The following TRERF1 variants were observed in gnomAD, a reference collection of about 807,000 sequenced individuals.
The protein encoded by TRERF1 is transcriptional regulating factor 1.
In TRERF1, 27 loss-of-function variants were observed where a neutral mutation model predicts 122.9. That is an observed-to-expected ratio of 0.22 (90% confidence interval 0.16 to 0.30). The LOEUF (loss-of-function observed/expected upper bound fraction) is 0.30, where lower values mean the gene tolerates loss of function less well. TRERF1 is among the 10% of genes least tolerant of loss of function. TRERF1 has a pLI of 1.00. For missense variants in TRERF1, 1,248 were observed against 1,560.3 expected (o/e 0.80, Z 3.37); for synonymous variants, 636 against 641.7 (o/e 0.99, Z 0.13).
At chr6:42,413,641 G>T (rs1373418435) in intron 2 of TRERF1, among the ~76,000 whole-genome samples, 1 of 151,966 alleles carries the variant, frequency 6.6e-6, no homozygotes, top group Admixed American at 6.6e-5. Context: ...TGTTGGCCAG[G>T]ATGGTCTTGA....
chr6:42,410,935 ACAGAGAAGCTGTGGTCCAGTGGG>A (rs1223761246), intron 2 of TRERF1, among the ~76,000 whole-genome samples: 1 of 152,230 alleles, frequency 6.6e-6, no homozygotes, highest in Non-Finnish European at 1.5e-5. Flanking sequence ...CCAAGCACAT[ACAGAGAAGCTGTGGTCCAGTGGG>A]CAGGCCTCCT....
intron 2 of TRERF1, among the ~76,000 whole-genome samples, chr6:42,387,114 TA>T (rs1267109970): frequency 3.9e-5 from 6 of 152,218 alleles, no homozygotes; most frequent in Admixed American, 6.5e-5. Context: ...TTGGGGGATT[TA>T]AAAAAATTTT....
At chr6:42,242,417 G>A (rs562904899) in intron 15 of TRERF1, among the ~76,000 whole-genome samples, 1 of 152,222 alleles carries the variant, frequency 6.6e-6, no homozygotes, top group Non-Finnish European at 1.5e-5. Flanking sequence ...CATAATTCAT[G>A]AATTCCCAAT....
intron 8 of TRERF1, among the ~76,000 whole-genome samples, chr6:42,261,402 G>A (rs144839512): frequency 3.3e-4 from 50 of 152,278 alleles, no homozygotes; most frequent in Non-Finnish European, 6.5e-4. Context: ...CTGAGCCACT[G>A]GGCAAGAGAA....
Position 42,287,773 on chromosome 6 carries a change from A to G in TRERF1, c.-259+12865T>C, listed in dbSNP as rs529702029. ...CCCTGGCCATCTTCTCTCATTGCCTAATCCATGCTCCTCTGGTCGGGTCTC... is the reference window on the plus strand; with the variant it reads ...CCCTGGCCATCTTCTCTCATTGCCTGATCCATGCTCCTCTGGTCGGGTCTC... On this transcript the variant is annotated intron_variant, in intron 4 of 17. Coordinates refer to ENST00000372922, the Ensembl canonical transcript of TRERF1. 5.3e-4 allele frequency among the ~76,000 whole-genome samples: 80 copies of G among 152,146 alleles called. 1 individual carries two copies. The highest frequency in any genetic ancestry group is 1.5e-3 in the South Asian group (7 of 4,810).
chr6:42,314,977 G>A (rs1198338829), intron 3 of TRERF1, among the ~76,000 whole-genome samples: 1 of 152,208 alleles, frequency 6.6e-6, no homozygotes, highest in Non-Finnish European at 1.5e-5. Context: ...TGTCAGTTGA[G>A]CTGAGACCTA....
chr6:42,244,930 T>C (rs535990555), intron 14 of TRERF1, among the ~76,000 whole-genome samples: 3 of 152,332 alleles, frequency 2.0e-5, no homozygotes, highest in South Asian at 4.1e-4. Context: ...TGGAGGCAGA[T>C]TAAAGGCTGG....
intron 2 of TRERF1, among the ~76,000 whole-genome samples, chr6:42,364,709 C>A (rs1442123051): frequency 6.6e-6 from 1 of 152,220 alleles, no homozygotes; most frequent in African/African-American, 2.4e-5. Flanking sequence ...TGCAGCAAAC[C>A]CACCGGGTCC....
intron 4 of TRERF1, among the ~76,000 whole-genome samples, chr6:42,292,079 C>G (rs1784411301): frequency 6.6e-6 from 1 of 152,090 alleles, no homozygotes; most frequent in South Asian, 2.1e-4. Flanking sequence ...ACCTACTGTT[C>G]TGGGTTTCTG....
In TRERF1 at chr6:42,263,960, C is replaced by T. The variant is rs912203013; in HGVS notation, c.1636-392G>A. 6.6e-6 allele frequency among the ~76,000 whole-genome samples: 1 copy of T among 152,110 alleles called. No homozygotes were observed. Among genetic ancestry groups the T allele is most frequent in the Non-Finnish European group, 1.5e-5 (1 of 68,030 alleles). ...TGTCAAATGGAAATAGGCATTCCATCCTAAATTTTATTCAGGTCAGGAAAC... is the reference window on the plus strand; with the variant it reads ...TGTCAAATGGAAATAGGCATTCCATTCTAAATTTTATTCAGGTCAGGAAAC... On this transcript the variant is annotated intron_variant, in intron 7 of 17. Transcript: ENST00000372922. The surrounding 1 kb of genome is among the most constrained non-coding windows in gnomAD (Gnocchi z 5.6).
rs563677935 is a variant in TRERF1, at chr6:42,288,928, G to A, written c.-259+11710C>T. ...CTTAATGGCTCCCCTGAAGAGCAGGGGAAACCATTAAAGTATCTTGAACTC... is the reference window on the plus strand; with the variant it reads ...CTTAATGGCTCCCCTGAAGAGCAGGAGAAACCATTAAAGTATCTTGAACTC... On this transcript the variant is annotated intron_variant, in intron 4 of 17. Transcript: ENST00000372922. Among the ~76,000 whole-genome samples, 3 of 151,064 alleles carry A rather than the reference G, an allele frequency of 2.0e-5. No individual in the cohort carries two copies. In the South Asian group the frequency reaches 6.3e-4, roughly 32 times the overall value.
In TRERF1 at chr6:42,345,353, T is replaced by C. The variant is rs543826186; in HGVS notation, c.-371+17644A>G. 2.0e-4 allele frequency among the ~76,000 whole-genome samples: 31 copies of C among 152,246 alleles called. 1 individual carries two copies. The highest frequency in any genetic ancestry group is 1.0e-4 in the Non-Finnish European group (7 of 68,018). The stretch of plus-strand genomic sequence containing the variant: ...CACATACACACACACGGGAGAAGCA[T>C]ACATTGGTTACAGAGGACCCGAGCA... On this transcript the variant is annotated intron_variant, in intron 3 of 17. Transcript: ENST00000372922.
At chr6:42,270,551 A>C (rs148144183) in intron 4 of TRERF1, among the ~76,000 whole-genome samples, 2 of 152,204 alleles carry the variant, frequency 1.3e-5, no homozygotes, top group African/African-American at 4.8e-5. Context: ...GAAATGACTA[A>C]GACATAGGCC....
chr6:42,406,796 G>T (rs931783646), intron 2 of TRERF1, among the ~76,000 whole-genome samples: 1 of 151,266 alleles, frequency 6.6e-6, no homozygotes, highest in African/African-American at 2.4e-5. Flanking sequence ...AGGGATTTGT[G>T]TAACCACTCC....
At chr6:42,227,643 G>A (rs544642430) in exon 18 of TRERF1, 17 of 152,248 alleles carry the variant, frequency 1.1e-4, no homozygotes, top group Admixed American at 1.0e-3. Flanking sequence ...GGACACACCT[G>A]TTCTAGAAAA....
rs1011232383 is a variant in TRERF1 at position 42,283,658 on chromosome 6, C to G, written c.-258-13810G>C. Among the ~76,000 whole-genome samples the G allele has an allele frequency of 2.9e-5, 4 of 137,908 alleles. No homozygotes were observed. In the East Asian group the frequency reaches 8.3e-4, roughly 29 times the overall value. 90.5% of individuals were successfully genotyped at this position (137,908 alleles called of 152,430 possible). On this transcript the variant is annotated intron_variant, in intron 4 of 17. Coordinates refer to ENST00000372922, the Ensembl canonical transcript of TRERF1. The stretch of plus-strand genomic sequence containing the variant: ...TGAGATGGAGTTTTGCTCTTGTTGC[C>G]TAGGCTGGAGTGCCATGGCACGATC...
At chr6:42,328,678 A>G (rs1764730632) in intron 3 of TRERF1, among the ~76,000 whole-genome samples, 3 of 152,210 alleles carry the variant, frequency 2.0e-5, no homozygotes. Context: ...CAGAGTCTTA[A>G]GGGCCACTCT....
chr6:42,415,521 T>C (rs1018139218), intron 2 of TRERF1, among the ~76,000 whole-genome samples: 2 of 152,190 alleles, frequency 1.3e-5, no homozygotes, highest in Non-Finnish European at 2.9e-5. Flanking sequence ...ATTTAACCAT[T>C]TGACCTATGT....
intron 3 of TRERF1, among the ~76,000 whole-genome samples, chr6:42,312,637 A>G (rs1309429333): frequency 1.3e-5 from 2 of 152,150 alleles, no homozygotes; most frequent in Non-Finnish European, 2.9e-5. Flanking sequence ...CACCTTCGGG[A>G]GCAGATACAG....
Sources: gnomAD v4.1 joint callset for allele counts (sites outside exome capture counted in the v4.1 genomes callset) on GRCh38, gnomAD v4.1.1 for gene constraint, Gnocchi (gnomAD v3.1) non-coding constraint, MANE v1.5 for transcripts, NCBI Gene and HGNC (gene_info 2026-07-23, HGNC 2026-07-21) for gene names.